Variants in TNNI3K observed in about 807,000 individuals in gnomAD.
The protein encoded by TNNI3K is serine/threonine-protein kinase TNNI3K.
TNNI3K carries 140 observed loss-of-function variants against 114.5 expected under a neutral mutation model. That is an observed-to-expected ratio of 1.22 (90% confidence interval 1.07 to 1.41). The LOEUF (loss-of-function observed/expected upper bound fraction) is 1.41, where lower values mean the gene tolerates loss of function less well. TNNI3K is among the 40% of genes most tolerant of loss of function. TNNI3K has a pLI of 0.00. For synonymous variants in TNNI3K, 347 were observed against 347.5 expected (o/e 1.00, Z 0.02); for missense variants, 1,125 against 1,007.6 (o/e 1.12, Z -1.58).
intron 23 of TNNI3K, among the ~76,000 whole-genome samples, chr1:74,515,953 T>A (rs1015520439): frequency 1.3e-5 from 2 of 152,186 alleles, no homozygotes; most frequent in African/African-American, 4.8e-5. Flanking sequence ...CTGACTCAGT[T>A]GAGAAGAAGG....
intron 21 of TNNI3K, among the ~76,000 whole-genome samples, chr1:74,485,832 A>C (rs1387263509): frequency 6.6e-6 from 1 of 152,168 alleles, no homozygotes; most frequent in South Asian, 2.1e-4. Flanking sequence ...TGGGCAACAG[A>C]TGGCAAGAAA....
intron 17 of TNNI3K, chr1:74,376,829 A>T (rs556178893): frequency 6.6e-6 from 1 of 151,924 alleles, no homozygotes; most frequent in East Asian, 1.9e-4. Context: ...TTAAAAAAAA[A>T]AATAAAAGAT....
In TNNI3K at chr1:74,439,607, G is replaced by A. The variant is rs148931950; in HGVS notation, c.1996G>A (p.Ala666Thr). Residue 666 changes from alanine to threonine, a missense_variant, in exon 20 of 25, where the codon GCT becomes ACT. By Grantham distance (58) the Ala-to-Thr change is moderately conservative. Transcript: ENST00000326637. ...WEILTGEIPFAHLKPAAAAAD... is the reference protein window; with the variant it reads ...WEILTGEIPFTHLKPAAAAAD... ...AATTCTCACTGGCGAAATTCCATTC[G>A]CTCATCTCAAGCCAGGTAAGACACA... 3.8e-4 allele frequency: 620 copies of A among 1,613,308 alleles called. 2 individuals are homozygous for A. In the African/African-American group the frequency reaches 6.9e-3, roughly 18 times the overall value.
Position 74,399,975 on chromosome 1 carries a change from T to C in TNNI3K, c.1772+29583T>C, listed in dbSNP as rs528843466. Among the ~76,000 whole-genome samples the C allele has an allele frequency of 1.1e-4, 17 of 152,304 alleles. No individual in the cohort carries two copies. In the South Asian group the frequency reaches 1.2e-3, roughly 11 times the overall value. On this transcript the variant is annotated intron_variant, in intron 17 of 24. Coordinates refer to ENST00000326637, the MANE Select transcript of TNNI3K (RefSeq NM_015978.3). ...ATCTATGTCCTGAAACAGGTCGCTA[T>C]TGGGGAAAGCCCTGTGCTGGCTGGA... is the stretch of plus-strand genomic sequence containing the variant.
chr1:74,467,452 G>A (rs1404386868), intron 21 of TNNI3K, among the ~76,000 whole-genome samples: 1 of 151,854 alleles, frequency 6.6e-6, no homozygotes, highest in Admixed American at 6.6e-5. Flanking sequence ...AGAGTAAGAA[G>A]AATAGTCTAT....
intron 5 of TNNI3K, among the ~76,000 whole-genome samples, chr1:74,302,227 C>G (rs546770694): frequency 2.0e-5 from 3 of 152,172 alleles, no homozygotes; most frequent in Non-Finnish European, 4.4e-5. Flanking sequence ...CCAGACAAAA[C>G]GGTGAACTTA....
At chr1:74,463,759 T>C (rs557290605) in intron 21 of TNNI3K, among the ~76,000 whole-genome samples, 1 of 152,316 alleles carries the variant, frequency 6.6e-6, no homozygotes, top group Non-Finnish European at 1.5e-5. Context: ...GAAACGTTTC[T>C]CACAACTGAT....
intron 21 of TNNI3K, chr1:74,470,009 T>C (rs1667846869): frequency 5.0e-6 from 2 of 400,628 alleles, no homozygotes; most frequent in Non-Finnish European, 8.8e-6. Flanking sequence ...GCCTCAAAAC[T>C]GTCTTTTAAC....
intron 23 of TNNI3K, among the ~76,000 whole-genome samples, chr1:74,520,787 A>C (rs1284962655): frequency 6.6e-6 from 1 of 152,114 alleles, no homozygotes; most frequent in Non-Finnish European, 1.5e-5. Context: ...TTTGAGTTGC[A>C]ACATGTGGGT....
intron 9 of TNNI3K, among the ~76,000 whole-genome samples, chr1:74,351,058 G>C (rs1001588246): frequency 6.6e-6 from 1 of 151,472 alleles, no homozygotes; most frequent in Non-Finnish European, 1.5e-5. Context: ...TTTCTTCCTA[G>C]CCTTGATGGT....
At chr1:74,512,442 T>C (rs984412116) in intron 23 of TNNI3K, 2 of 152,176 alleles carry the variant, frequency 1.3e-5, no homozygotes, top group Non-Finnish European at 2.9e-5. Flanking sequence ...TAAGTCTGTC[T>C]CTTTAAATGG....
intron 2 of TNNI3K, among the ~76,000 whole-genome samples, chr1:74,238,877 A>C (rs1654023051): frequency 6.6e-6 from 1 of 152,066 alleles, no homozygotes; most frequent in Non-Finnish European, 1.5e-5. Context: ...TGGAGACTGT[A>C]GTACTTGCTA....
intron 20 of TNNI3K, among the ~76,000 whole-genome samples, chr1:74,459,237 C>T (rs1307990429): frequency 6.6e-6 from 1 of 152,142 alleles, no homozygotes; most frequent in Non-Finnish European, 1.5e-5. Flanking sequence ...ATAATGCATA[C>T]CTTTTGAATA....
At chr1:74,347,042 C>T (rs1353594970) in intron 9 of TNNI3K, among the ~76,000 whole-genome samples, 3 of 151,812 alleles carry the variant, frequency 2.0e-5, no homozygotes, top group African/African-American at 7.3e-5. Flanking sequence ...GGTACATGTG[C>T]ACAACGGGCA....
chr1:74,519,848 G>C (rs1459427755), intron 23 of TNNI3K, among the ~76,000 whole-genome samples: 2 of 152,092 alleles, frequency 1.3e-5, no homozygotes, highest in African/African-American at 4.8e-5. Flanking sequence ...ATAGTCCACA[G>C]GGTCCCTGTG....
chr1:74,247,964 G>A (rs113741749), intron 2 of TNNI3K, among the ~76,000 whole-genome samples: 12 of 152,202 alleles, frequency 7.9e-5, no homozygotes, highest in African/African-American at 2.4e-4. Flanking sequence ...GGTGCCCGTC[G>A]GGGTGGCTCA....
At chr1:74,372,561 G>A (rs1027261197) in intron 17 of TNNI3K, 24 of 151,656 alleles carry the variant, frequency 1.6e-4, no homozygotes, top group Admixed American at 5.3e-4. Context: ...AAACATTTAC[G>A]TTAACAAACA....
chr1:74,455,345 G>A (rs2100706483), intron 20 of TNNI3K, among the ~76,000 whole-genome samples: 1 of 152,228 alleles, frequency 6.6e-6, no homozygotes, highest in African/African-American at 2.4e-5. Context: ...AAGGTCCAGA[G>A]GCCTGAGAAA....
chr1:74,348,191 G>C (rs1661126589), intron 9 of TNNI3K, among the ~76,000 whole-genome samples: 1 of 152,158 alleles, frequency 6.6e-6, no homozygotes, highest in African/African-American at 2.4e-5. Context: ...GTAAGGAAGG[G>C]ATCCAGTTTC....
Sources: gnomAD v4.1 joint callset for allele counts (sites outside exome capture counted in the v4.1 genomes callset) on GRCh38, gnomAD v4.1.1 for gene constraint, MANE v1.5 for transcripts, NCBI Gene and HGNC (gene_info 2026-07-23, HGNC 2026-07-21) for gene names.